The following ZFPM2 variants were observed in gnomAD, a reference collection of about 807,000 sequenced individuals.
The protein encoded by ZFPM2 is zinc finger protein ZFPM2.
Under a neutral mutation model 98.6 loss-of-function variants are expected in ZFPM2, and 20 were observed. The observed-to-expected ratio is 0.20, with a 90% CI of 0.14 to 0.29. The LOEUF (loss-of-function observed/expected upper bound fraction) is 0.29. ZFPM2 is among the 10% of genes least tolerant of loss of function. ZFPM2 has a pLI of 1.00. For synonymous variants in ZFPM2, 518 were observed against 502.7 expected (o/e 1.03, Z -0.41); for missense variants, 1,310 against 1,388.6 (o/e 0.94, Z 0.90).
chr8:105,636,210 C>A (rs1816844601), intron 5 of ZFPM2, among the ~76,000 whole-genome samples: 1 of 152,090 alleles, frequency 6.6e-6, no homozygotes, highest in African/African-American at 2.4e-5. Context: ...GGATGTGAAC[C>A]TGTATAACAG....
rs779192516 is a variant in ZFPM2 at position 105,801,887 on chromosome 8, C to G, written c.1805C>G (p.Thr602Ser). Residue 602 changes from threonine to serine, a missense_variant, in exon 8 of 8, where the codon ACC (threonine) becomes AGC (serine). Transcript: ENST00000407775. ...GCTTTGAGTCCCAACACTGGCCAAA[C>G]CTCCATAAACCTTCTCAACCCAGCT... ...PEALSPNTGQ[T>S]SINLLNPAAH... The G allele has an allele frequency of 6.2e-7, 1 of 1,613,946 alleles. No homozygotes were observed. The highest frequency in any genetic ancestry group is 1.3e-5 in the African/African-American group (1 of 75,032).
chr8:105,734,090 C>A (rs1812013556), intron 5 of ZFPM2, among the ~76,000 whole-genome samples: 1 of 151,866 alleles, frequency 6.6e-6, no homozygotes, highest in Non-Finnish European at 1.5e-5. Flanking sequence ...CTCATATATC[C>A]TCTTTTGGCC....
chr8:105,688,405 A>G (rs1810793753), intron 5 of ZFPM2, among the ~76,000 whole-genome samples: 1 of 152,138 alleles, frequency 6.6e-6, no homozygotes, highest in Non-Finnish European at 1.5e-5. Flanking sequence ...CAGGAAAATT[A>G]TTGTAGGTGG....
intron 4 of ZFPM2, among the ~76,000 whole-genome samples, chr8:105,623,281 C>T (rs1816590843): frequency 6.6e-6 from 1 of 152,136 alleles, no homozygotes; most frequent in Admixed American, 6.6e-5. Context: ...AATAATTTCA[C>T]ACACTTTTTC....
chr8:105,723,632 CCTT>C (rs1368634195), intron 5 of ZFPM2, among the ~76,000 whole-genome samples: 1 of 151,734 alleles, frequency 6.6e-6, no homozygotes, highest in Non-Finnish European at 1.5e-5. Context: ...ATTGTCGAGG[CCTT>C]CTTGTTGTAC....
At chr8:105,607,401 G>A (rs1389789862) in intron 4 of ZFPM2, among the ~76,000 whole-genome samples, 1 of 152,030 alleles carries the variant, frequency 6.6e-6, no homozygotes, top group Admixed American at 6.6e-5. Context: ...AGGGAACAGA[G>A]GAGGACCTTG....
In ZFPM2 at chr8:105,707,241, C is replaced by CAA. The variant is rs113671142; in HGVS notation, c.532+72897_532+72898dup. Among the ~76,000 whole-genome samples the CAA allele has an allele frequency of 8.8e-3, 1,032 of 117,076 alleles. 9 individuals carry two copies. Among genetic ancestry groups the CAA allele is most frequent in the African/African-American group, 0.025 (779 of 31,654 alleles). 76.8% of individuals were successfully genotyped at this position (117,076 alleles called of 152,430 possible). A position where few individuals can be genotyped will look rare whatever the true frequency, so the allele number is the denominator to read the frequency against. On this transcript the variant is annotated intron_variant, in intron 5 of 7. Coordinates refer to ENST00000407775, the MANE Select transcript of ZFPM2 (RefSeq NM_012082.4). ...TGGGCAACAGAGCAAGACTTTGTCTCAAAAAAAAAAAAAAGAAAAAGAAAA... is the reference window on the plus strand; with the variant it reads ...TGGGCAACAGAGCAAGACTTTGTCTCAAAAAAAAAAAAAAAAGAAAAAGAAAA...
chr8:105,761,575 A>G (rs7817128), intron 5 of ZFPM2, among the ~76,000 whole-genome samples: 27,179 of 151,792 alleles, frequency 0.18, 4,267 homozygotes, highest in African/African-American at 0.42. Flanking sequence ...TAATTTCATG[A>G]TGCCCCAAGA....
At chr8:105,529,764 A>C (rs911701391) in intron 3 of ZFPM2, among the ~76,000 whole-genome samples, 1 of 151,802 alleles carries the variant, frequency 6.6e-6, no homozygotes, top group African/African-American at 2.4e-5. Context: ...GGAGTCTTGC[A>C]CTGTCTCCTG....
chr8:105,648,084 A>G (rs981146173), intron 5 of ZFPM2, among the ~76,000 whole-genome samples: 5 of 152,110 alleles, frequency 3.3e-5, no homozygotes, highest in Admixed American at 6.5e-5. Context: ...CTGGTGTGAG[A>G]TGGTATCTCA....
intron 5 of ZFPM2, among the ~76,000 whole-genome samples, chr8:105,751,628 T>C (rs894717611): frequency 1.5e-3 from 229 of 152,236 alleles, no homozygotes; most frequent in African/African-American, 5.4e-3. Context: ...AATGTCTTAT[T>C]GAGATAACAT....
At chr8:105,658,004 C>A (rs538706904) in intron 5 of ZFPM2, among the ~76,000 whole-genome samples, 4 of 152,254 alleles carry the variant, frequency 2.6e-5, no homozygotes, top group African/African-American at 9.6e-5. Flanking sequence ...AGCCATTATT[C>A]TTTTCATTGT....
intron 3 of ZFPM2, among the ~76,000 whole-genome samples, chr8:105,458,022 C>T (rs529978894): frequency 6.6e-6 from 1 of 152,286 alleles, no homozygotes; most frequent in Non-Finnish European, 1.5e-5. Flanking sequence ...GGTGGCCTCA[C>T]TGGTCTTGTG....
chr8:105,432,850 A>G (rs1352345669), intron 2 of ZFPM2, among the ~76,000 whole-genome samples: 1 of 152,212 alleles, frequency 6.6e-6, no homozygotes, highest in Non-Finnish European at 1.5e-5. Context: ...CTGTAATCCC[A>G]GCACTTTGGG....
intron 1 of ZFPM2, among the ~76,000 whole-genome samples, chr8:105,337,186 C>A (rs1586300362): frequency 6.6e-6 from 1 of 151,800 alleles, no homozygotes; most frequent in East Asian, 1.9e-4. Context: ...GGCCTCTTCC[C>A]CCTCACTTCC....
intron 1 of ZFPM2, among the ~76,000 whole-genome samples, chr8:105,337,663 A>G (rs1236188609): frequency 6.6e-6 from 1 of 151,554 alleles, no homozygotes; most frequent in Non-Finnish European, 1.5e-5. Flanking sequence ...GACCTTAACT[A>G]TCGTCTTCTA....
chr8:105,608,140 T>G (rs1488079687), intron 4 of ZFPM2, among the ~76,000 whole-genome samples: 1 of 152,008 alleles, frequency 6.6e-6, no homozygotes, highest in Non-Finnish European at 1.5e-5. Context: ...AATGAGGACT[T>G]GTGAACACAA....
chr8:105,538,314 A>T (rs1814501876), intron 3 of ZFPM2, among the ~76,000 whole-genome samples: 1 of 152,146 alleles, frequency 6.6e-6, no homozygotes, highest in Admixed American at 6.6e-5. Context: ...GTACCTAATA[A>T]GCCCTTGATA....
chr8:105,385,236 C>T (rs1374201220), intron 1 of ZFPM2, among the ~76,000 whole-genome samples: 2 of 152,172 alleles, frequency 1.3e-5, no homozygotes, highest in Non-Finnish European at 2.9e-5. Context: ...CTTTGACATT[C>T]GTTTCTGCAT....
Sources: gnomAD v4.1 joint callset for allele counts (sites outside exome capture counted in the v4.1 genomes callset) on GRCh38, gnomAD v4.1.1 for gene constraint, MANE v1.5 for transcripts, NCBI Gene and HGNC (gene_info 2026-07-23, HGNC 2026-07-21) for gene names.